The following PAPPA2 variants were observed in gnomAD, a reference collection of about 807,000 sequenced individuals.
PAPPA2 encodes pappalysin 2, also known as pappalysin-2.
In PAPPA2, 86 loss-of-function variants were observed where a neutral mutation model predicts 176.4. That is an observed-to-expected ratio of 0.49 (90% CI 0.41 to 0.58). PAPPA2 has a LOEUF of 0.58. Ranked by LOEUF, PAPPA2 falls within the 20% of genes least tolerant of loss-of-function variation. The pLI, the probability that PAPPA2 is intolerant of heterozygous loss-of-function variation, is 0.00. For synonymous variants in PAPPA2, 809 were observed against 852.2 expected (o/e 0.95, Z 0.88); for missense variants, 2,073 against 2,256.9 (o/e 0.92, Z 1.65).
At chr1:176,828,984 C>G (rs574672988) in intron 21 of PAPPA2, among the ~76,000 whole-genome samples, 1 of 151,818 alleles carries the variant, frequency 6.6e-6, no homozygotes, top group South Asian at 2.1e-4. Flanking sequence ...GTCTGGGCAA[C>G]AACGCAAGAC....
At position 176,715,366 on chromosome 1, in the gene PAPPA2, G is replaced by T. The variant is rs1317940275; in HGVS notation, c.3798+3385G>T. 5.3e-5 allele frequency among the ~76,000 whole-genome samples: 8 copies of T among 152,300 alleles called. No individual in the cohort carries two copies. In the East Asian group the frequency reaches 7.7e-4, roughly 15 times the overall value. On this transcript the variant is annotated intron_variant, in intron 12 of 22. Coordinates refer to ENST00000367662, the MANE Select transcript of PAPPA2 (RefSeq NM_020318.3). ...AAAAGCAACTGCCTAACTGGGGAAG[G>T]TGGAAGCACAGCCCCCTTCTAAAGA...
intron 2 of PAPPA2, among the ~76,000 whole-genome samples, chr1:176,559,383 C>T (rs957823046): frequency 6.6e-6 from 1 of 152,152 alleles, no homozygotes; most frequent in African/African-American, 2.4e-5. Flanking sequence ...CTTTAGATTT[C>T]TGTACATCAG....
intron 14 of PAPPA2, among the ~76,000 whole-genome samples, chr1:176,762,524 TC>T (rs1298060258): frequency 6.6e-6 from 1 of 152,354 alleles, no homozygotes; most frequent in African/African-American, 2.4e-5. Context: ...CTGACTTCTT[TC>T]CAATAAACTA....
At chr1:176,496,114 T>C (rs886227735) in intron 1 of PAPPA2, among the ~76,000 whole-genome samples, 1 of 152,204 alleles carries the variant, frequency 6.6e-6, no homozygotes, top group Non-Finnish European at 1.5e-5. Context: ...TATTATACTT[T>C]AAGTTTTAAG....
intron 6 of PAPPA2, 53 bp downstream of exon 6, chr1:176,692,371 A>G (rs1660160064): frequency 2.7e-6 from 4 of 1,491,790 alleles, no homozygotes; most frequent in South Asian, 2.4e-5. Context: ...GTGGCATTTC[A>G]TATGAATGAG....
chr1:176,509,021 C>T (rs1180119631), intron 1 of PAPPA2, among the ~76,000 whole-genome samples: 1 of 151,624 alleles, frequency 6.6e-6, no homozygotes, highest in Non-Finnish European at 1.5e-5. Context: ...AGCAGTCTGA[C>T]ATATATATAT....
chr1:176,556,830 G>A lies in PAPPA2; in HGVS notation c.508G>A (p.Ala170Thr), dbSNP rs374292214. 4.0e-5 allele frequency: 64 copies of A among 1,614,010 alleles called. No homozygotes were observed. Among genetic ancestry groups the A allele is most frequent in the Non-Finnish European group, 5.2e-5 (61 of 1,180,034 alleles). Residue 170 changes from alanine (A) to threonine (T), a missense_variant, in exon 2 of 23, where the codon GCC becomes ACC. Ala to Thr is a moderately conservative substitution (Grantham distance 58, BLOSUM62 0). This residue lies in a region of PAPPA2 where 1,196 missense variants were observed against 1,330.4 expected (regional missense o/e 0.90). Coordinates refer to ENST00000367662, the MANE Select transcript of PAPPA2 (RefSeq NM_020318.3). ...AGIQKGSAMA[A>T]TTTTAIFTTL... ...GATTCAGAAAGGCTCAGCCATGGCTGCCACTACTACCACCGCCATTTTCAC... is the reference window on the plus strand; with the variant it reads ...GATTCAGAAAGGCTCAGCCATGGCTACCACTACTACCACCGCCATTTTCAC...
intron 21 of PAPPA2, among the ~76,000 whole-genome samples, chr1:176,805,566 A>T (rs563409793): frequency 1.1e-4 from 16 of 152,316 alleles, no homozygotes; most frequent in African/African-American, 3.8e-4. Flanking sequence ...TGTGAGAATC[A>T]GGTGAAATAA....
chr1:176,524,759 T>C (rs1037669897), intron 1 of PAPPA2, among the ~76,000 whole-genome samples: 41 of 152,224 alleles, frequency 2.7e-4, no homozygotes, highest in African/African-American at 8.7e-4. Context: ...CGCGGTGGCT[T>C]ACGCCTGTAA....
At chr1:176,667,306 G>A (rs1240157290) in intron 3 of PAPPA2, among the ~76,000 whole-genome samples, 3 of 152,064 alleles carry the variant, frequency 2.0e-5, no homozygotes, top group Non-Finnish European at 4.4e-5. Flanking sequence ...TCACACAAAT[G>A]TTGAAATTCC....
intron 3 of PAPPA2, among the ~76,000 whole-genome samples, chr1:176,615,105 A>C (rs1371018765): frequency 6.6e-6 from 1 of 152,238 alleles, no homozygotes; most frequent in Non-Finnish European, 1.5e-5. Context: ...ATTTTACTAA[A>C]TTAAAGAGCA....
chr1:176,633,257 A>G (rs537496918), intron 3 of PAPPA2, among the ~76,000 whole-genome samples: 1 of 152,206 alleles, frequency 6.6e-6, no homozygotes, highest in East Asian at 1.9e-4. Flanking sequence ...GGAGCTATAG[A>G]TGGGGCTGAG....
chr1:176,719,844 T>C (rs1661540398), intron 12 of PAPPA2, among the ~76,000 whole-genome samples: 1 of 152,240 alleles, frequency 6.6e-6, no homozygotes, highest in African/African-American at 2.4e-5. Flanking sequence ...AAGTGTCATT[T>C]ATCACTAGGA....
chr1:176,558,590 G>A (rs1459712123), intron 2 of PAPPA2, among the ~76,000 whole-genome samples: 1 of 152,144 alleles, frequency 6.6e-6, no homozygotes, highest in Non-Finnish European at 1.5e-5. Context: ...TGGGGAAAGG[G>A]GAGAAATAAG....
chr1:176,795,049 C>T (rs1475128536), intron 20 of PAPPA2, among the ~76,000 whole-genome samples: 1 of 152,138 alleles, frequency 6.6e-6, no homozygotes, highest in Non-Finnish European at 1.5e-5. Context: ...TCCTCATGTG[C>T]CCAGATCAAA....
Position 176,699,515 on chromosome 1 carries a change from G to A in PAPPA2, c.3162G>A (p.Gln1054=). 1 of 1,613,794 alleles carries A rather than the reference G, an allele frequency of 6.2e-7. No homozygotes were observed. The highest frequency in any genetic ancestry group is 1.1e-5 in the South Asian group (1 of 91,072). The part of the protein sequence containing the change: ...LCSGCRPVRY[Q]VLRDPPFASG... ...CTGGCTGCAGGCCTGTGAGGTACCA[G>A]GTTCTCCGCGATCCCCCATTTGCCA... Residue 1054 remains glutamine, a synonymous_variant, in exon 8 of 23, where the codon CAG becomes CAA. Coordinates refer to ENST00000367662, the MANE Select transcript of PAPPA2 (RefSeq NM_020318.3).
intron 2 of PAPPA2, among the ~76,000 whole-genome samples, chr1:176,578,966 TC>T (rs1303962275): frequency 2.0e-5 from 3 of 152,180 alleles, no homozygotes; most frequent in African/African-American, 7.2e-5. Flanking sequence ...GATATTTTTC[TC>T]ACTTTTTAAT....
chr1:176,611,640 A>T (rs1292096319), intron 3 of PAPPA2, among the ~76,000 whole-genome samples: 9 of 152,168 alleles, frequency 5.9e-5, no homozygotes, highest in Admixed American at 5.9e-4. Flanking sequence ...AGTTTTGATA[A>T]GGATATGTAA....
At chr1:176,740,749 T>A (rs1321452163) in intron 14 of PAPPA2, among the ~76,000 whole-genome samples, 1 of 152,102 alleles carries the variant, frequency 6.6e-6, no homozygotes, top group Non-Finnish European at 1.5e-5. Context: ...GCAGCAGCTA[T>A]TGGAGGGATT....
Sources: allele counts gnomAD v4.1 joint callset (sites outside exome capture counted in the v4.1 genomes callset), GRCh38; gene constraint gnomAD v4.1.1; regional missense constraint gnomAD v4.1.1; transcripts MANE v1.5; gene names NCBI Gene and HGNC (gene_info 2026-07-23, HGNC 2026-07-21).